The following PUDP variants were observed in gnomAD, a reference collection of about 807,000 sequenced individuals.
The protein encoded by PUDP is pseudouridine 5'-phosphatase.
A neutral mutation model predicts 9.4 loss-of-function variants in PUDP; 8 were observed. The observed-to-expected ratio is 0.85, with a 90% CI of 0.50 to 1.53. The LOEUF is 1.53. PUDP is among the 40% of genes most tolerant of loss of function. The probability of loss-of-function intolerance (pLI) is 0.00; values close to 1 mark genes in which losing one functional copy is unlikely to be tolerated. For missense variants in PUDP, 188 were observed against 189.7 expected (o/e 0.99, Z 0.05); for synonymous variants, 99 against 80.7 (o/e 1.23, Z -1.22).
intron 3 of PUDP, among the ~76,000 whole-genome samples, chrX:6,949,315 G>A (rs1928514799): frequency 9.0e-6 from 1 of 111,684 alleles, no homozygotes; most frequent in Non-Finnish European, 1.9e-5. Flanking sequence ...GTTTGACTCA[G>A]TCCTCCAGAT....
At chrX:6,815,909 G>A (rs73455709) in intron 3 of PUDP, among the ~76,000 whole-genome samples, 9,604 of 106,649 alleles carry the variant, frequency 0.09, 385 homozygotes, top group Non-Finnish European at 0.12. Flanking sequence ...AACCTTCCTC[G>A]CCATTTAAAC....
intron 3 of PUDP, among the ~76,000 whole-genome samples, chrX:6,753,223 T>C (rs1442464984): frequency 8.9e-6 from 1 of 112,008 alleles, no homozygotes. Context: ...GAACATATGG[T>C]TTGGTTTTCC....
At chrX:7,047,452 T>C (rs1929997657), downstream of PUDP, among the ~76,000 whole-genome samples, 1 of 112,211 alleles carries the variant, frequency 8.9e-6, no homozygotes, top group Non-Finnish European at 1.9e-5. Flanking sequence ...ATATTGCTTA[T>C]GTGTACAAAA....
intron 1 of PUDP, among the ~76,000 whole-genome samples, chrX:7,024,400 T>C (rs1929676586): frequency 9.0e-6 from 1 of 111,608 alleles, no homozygotes; most frequent in South Asian, 3.8e-4. Context: ...GGGCTGGAGT[T>C]TGGGTTTTTT....
chrX:7,133,914 G>C (rs748787891), intron 1 of PUDP, among the ~76,000 whole-genome samples: 46 of 112,265 alleles, frequency 4.1e-4, no homozygotes, highest in Non-Finnish European at 7.7e-4. Flanking sequence ...AATGGTATAA[G>C]GGGATGCATA....
At chrX:7,101,501 T>C (rs139582974) in intron 2 of PUDP, among the ~76,000 whole-genome samples, 1,282 of 112,226 alleles carry the variant, frequency 0.011, 11 homozygotes, top group Non-Finnish European at 0.014. Context: ...GATCACCAAG[T>C]AGATTCCATA....
intron 1 of PUDP, among the ~76,000 whole-genome samples, chrX:6,991,413 TCACACCTGAAATC>T (rs1033736771): frequency 9.0e-6 from 1 of 111,272 alleles, no homozygotes; most frequent in African/African-American, 3.3e-5. Context: ...GTATAGTGGC[TCACACCTGAAATC>T]CAGCACTTTG....
chrX:6,932,904 A>G (rs371412971), intron 3 of PUDP, among the ~76,000 whole-genome samples: 3,313 of 109,143 alleles, frequency 0.03, 94 homozygotes, highest in African/African-American at 0.09. Flanking sequence ...CAAGGCGGCA[A>G]CGAGGCTGGG....
At chrX:6,789,794 T>C (rs1202637588) in intron 3 of PUDP, among the ~76,000 whole-genome samples, 1 of 29,302 alleles carries the variant, frequency 3.4e-5, no homozygotes, top group African/African-American at 1.7e-4. Context: ...GATAGATAGA[T>C]AGATAAGTAG....
chrX:7,104,398 G>A (rs1373347295), intron 2 of PUDP, among the ~76,000 whole-genome samples: 2 of 111,949 alleles, frequency 1.8e-5, no homozygotes, highest in Non-Finnish European at 3.8e-5. Flanking sequence ...CAGGGGTTGA[G>A]GGCAGGGCGA....
chrX:7,012,765 G>C (rs1929495406), intron 1 of PUDP, among the ~76,000 whole-genome samples: 1 of 111,102 alleles, frequency 9.0e-6, no homozygotes, highest in African/African-American at 3.3e-5. Flanking sequence ...CTCTGCAAAT[G>C]GGTTGCTCCT....
intron 1 of PUDP, among the ~76,000 whole-genome samples, chrX:6,709,840 G>A (rs1282868548): frequency 8.9e-6 from 1 of 111,939 alleles, no homozygotes; most frequent in Non-Finnish European, 1.9e-5. Flanking sequence ...AACTAAATTT[G>A]GGCCAGGTGT....
intron 3 of PUDP, among the ~76,000 whole-genome samples, chrX:6,892,957 C>T (rs1271572086): frequency 1.8e-5 from 2 of 111,679 alleles, no homozygotes; most frequent in African/African-American, 6.5e-5. Context: ...TTAAGCCACT[C>T]AGTCTGTGGT....
At chrX:7,041,379 A>T (rs975269652) in intron 1 of PUDP, among the ~76,000 whole-genome samples, 1 of 111,677 alleles carries the variant, frequency 9.0e-6, no homozygotes, top group Non-Finnish European at 1.9e-5. Flanking sequence ...TTACATTTGC[A>T]GGACTGCACA....
intron 3 of PUDP, among the ~76,000 whole-genome samples, chrX:6,742,940 T>TA (rs1924957705): frequency 8.9e-6 from 1 of 112,110 alleles, no homozygotes; most frequent in South Asian, 3.7e-4. Flanking sequence ...TATTCAAATA[T>TA]AGTGTTTTCA....
chrX:6,932,257 T>C (rs1046615355), intron 3 of PUDP, among the ~76,000 whole-genome samples: 1 of 111,391 alleles, frequency 9.0e-6, no homozygotes, highest in African/African-American at 3.3e-5. Flanking sequence ...TGCTCCGTCA[T>C]CTGTTACAAT....
At chrX:7,079,782 G>C (rs1931026165) in intron 2 of PUDP, among the ~76,000 whole-genome samples, 1 of 112,229 alleles carries the variant, frequency 8.9e-6, no homozygotes, top group Non-Finnish European at 1.9e-5. Context: ...AAATTTCTGG[G>C]ATGTGGCTAA....
In PUDP at chrX:7,105,647, C is replaced by T; in HGVS notation, c.253G>A (p.Val85Met). ...GGCATGAGCGCAGCCGTGGGGAACA[C>T]TTCCTTTAACTTCGTTTGGCTTTCT... Reference protein sequence around the residue: ...VEESQTKLKEVFPTAALMPGA... With the variant: ...VEESQTKLKEMFPTAALMPGA... The change falls in exon 2 of 4, where the codon GTG (valine) becomes ATG (methionine). Residue 85 changes from valine (V) to methionine (M), a missense_variant. Coordinates refer to ENST00000381077, the MANE Select transcript of PUDP (RefSeq NM_012080.5). The T allele has an allele frequency of 8.3e-7, 1 of 1,208,900 alleles. No individual in the cohort carries two copies. The highest frequency in any genetic ancestry group is 1.1e-6 in the Non-Finnish European group (1 of 894,334).
At chrX:7,128,907 G>A (rs1250717783) in intron 1 of PUDP, among the ~76,000 whole-genome samples, 1 of 111,590 alleles carries the variant, frequency 9.0e-6, no homozygotes, top group South Asian at 3.8e-4. Flanking sequence ...GCAAGAATTC[G>A]TATTTTTTAT....
Sources: gnomAD v4.1 joint callset for allele counts (sites outside exome capture counted in the v4.1 genomes callset) on GRCh38, gnomAD v4.1.1 for gene constraint, MANE v1.5 for transcripts, NCBI Gene and HGNC (gene_info 2026-07-23, HGNC 2026-07-21) for gene names.